The following VPS26B variants were observed in gnomAD, a reference collection of about 807,000 sequenced individuals.
VPS26B encodes VPS26 retromer complex component B, also known as vacuolar protein sorting-associated protein 26B.
Under a neutral mutation model 33.3 loss-of-function variants are expected in VPS26B, and 10 were observed. The observed-to-expected ratio is 0.30, with a 90% CI of 0.19 to 0.51. The LOEUF is 0.51. Among genes scored for constraint, VPS26B ranks in the 20% least tolerant of loss-of-function variants. VPS26B has a pLI of 0.98. For synonymous variants in VPS26B, 190 were observed against 176.9 expected (o/e 1.07, Z -0.59); for missense variants, 317 against 452.7 (o/e 0.70, Z 2.72).
intron 1 of VPS26B, among the ~76,000 whole-genome samples, chr11:134,227,195 T>A (rs1353084502): frequency 6.6e-6 from 1 of 152,212 alleles, no homozygotes; most frequent in Non-Finnish European, 1.5e-5. Flanking sequence ...GAGGGTAAAA[T>A]CATCTCTAGC....
rs1332128375 is a variant in VPS26B at position 134,240,786 on chromosome 11, T to TCC, written c.545+631_545+632insCC. Among the ~76,000 whole-genome samples, 1 of 116,136 alleles carries TCC rather than the reference T, an allele frequency of 8.6e-6. No homozygotes were observed. Among genetic ancestry groups the TCC allele is most frequent in the Non-Finnish European group, 1.8e-5 (1 of 55,766 alleles). The allele number at this position is 116,136 out of a possible 152,430, so 76.2% of individuals were successfully genotyped here. A position where few individuals can be genotyped will look rare whatever the true frequency, so the allele number is the denominator to read the frequency against. ...GCTAATTTGTGTCCGTGTGTGTGTGTGTGTGTCCGTGTGTGTGTGTGTGTG... is the reference window on the plus strand; with the variant it reads ...GCTAATTTGTGTCCGTGTGTGTGTGTCCGTGTGTCCGTGTGTGTGTGTGTGTG... On this transcript the variant is annotated intron_variant, in intron 3 of 5. Transcript: ENST00000281187. The surrounding 1 kb of genome is among the most constrained non-coding windows in gnomAD (Gnocchi z 4.4).
chr11:134,245,742 C>A lies in VPS26B; in HGVS notation c.*152C>A. Reference sequence around the variant, plus strand: ...ATGTTTTTGACTTAAATTCTTTTCTCTGGAGAACCCAAGGGGCTTGGGGTG... The same window carrying A: ...ATGTTTTTGACTTAAATTCTTTTCTATGGAGAACCCAAGGGGCTTGGGGTG... On this transcript the variant is annotated 3_prime_UTR_variant, in exon 6 of 6. Transcript: ENST00000281187. This position sits in a 1 kb window ranked among gnomAD's most constrained non-coding sequence, Gnocchi z 4.7. The A allele has an allele frequency of 8.9e-7, 1 of 1,119,834 alleles. No individual in the cohort carries two copies. The highest frequency in any genetic ancestry group is 1.2e-6 in the Non-Finnish European group (1 of 810,630). 69.4% of individuals were successfully genotyped at this position (1,119,834 alleles called of 1,614,324 possible). A position where few individuals can be genotyped will look rare whatever the true frequency, so the allele number is the denominator to read the frequency against.
At chr11:134,237,360 G>T (rs1423083475) in intron 2 of VPS26B, among the ~76,000 whole-genome samples, 3 of 152,204 alleles carry the variant, frequency 2.0e-5, no homozygotes. Flanking sequence ...AGTGAGTGCA[G>T]GCATGCAGCC....
At position 134,245,532 on chromosome 11, in the gene VPS26B, C is replaced by T. The variant is rs1187696711; in HGVS notation, c.953C>T (p.Thr318Ile). 2 of 1,613,752 alleles carry T rather than the reference C, an allele frequency of 1.2e-6. No homozygotes were observed. The highest frequency in any genetic ancestry group is 1.7e-5 in the Admixed American group (1 of 60,004). Reference sequence around the variant, plus strand: ...GCCTCACAGCGCTTTGAGGGCACCACCTCCCTGGGTGAGGTGCGGACCCCC... The same window carrying T: ...GCCTCACAGCGCTTTGAGGGCACCATCTCCCTGGGTGAGGTGCGGACCCCC... The part of the protein sequence containing the change: ...AIASQRFEGT[T>I]SLGEVRTPSQ... Residue 318 changes from threonine (T) to isoleucine (I), a missense_variant, in exon 6 of 6, where the codon ACC becomes ATC. Coordinates refer to ENST00000281187, the MANE Select transcript of VPS26B (RefSeq NM_052875.5). The surrounding 1 kb of genome is among the most constrained non-coding windows in gnomAD (Gnocchi z 4.7).
At chr11:134,237,729 A>G (rs1407885117) in intron 2 of VPS26B, among the ~76,000 whole-genome samples, 2 of 152,146 alleles carry the variant, frequency 1.3e-5, no homozygotes, top group African/African-American at 4.8e-5. Context: ...CGGGACGCAG[A>G]ATCAAGGGCT....
intron 1 of VPS26B, 108 bp downstream of exon 1, chr11:134,225,453 C>G (rs1189494271): frequency 8.8e-7 from 1 of 1,136,948 alleles, no homozygotes; most frequent in Non-Finnish European, 1.3e-6. Context: ...CGCTTGTCAA[C>G]TGCAGTCTGA....
At chr11:134,229,026 T>G (rs1464808944) in intron 1 of VPS26B, among the ~76,000 whole-genome samples, 1 of 152,128 alleles carries the variant, frequency 6.6e-6, no homozygotes, top group Non-Finnish European at 1.5e-5. Flanking sequence ...ATTTTCTTTG[T>G]TTTTTATTTA....
rs1465879001 is a variant in VPS26B, at chr11:134,225,326, C to A, written c.204C>A (p.Ile68=). 6 of 1,613,830 alleles carry A rather than the reference C, an allele frequency of 3.7e-6. No homozygotes were observed. The highest frequency in any genetic ancestry group is 3.3e-5 in the Admixed American group (2 of 60,004). The change falls in exon 1 of 6, where the codon ATC becomes ATA. Residue 68 remains isoleucine, a synonymous_variant. Transcript: ENST00000281187. ...GGCTGGAGCACCAGGGCATCAAGATCGAGTTCATCGGGCAGATCGGTGAGT... is the reference window on the plus strand; with the variant it reads ...GGCTGGAGCACCAGGGCATCAAGATAGAGTTCATCGGGCAGATCGGTGAGT... ...NKRLEHQGIK[I]EFIGQIELYY... is the part of the protein sequence containing the mutation.
At chr11:134,243,096 T>C (rs771056875) in intron 3 of VPS26B, 23 bp from the exon 4 acceptor site, 10 of 1,613,382 alleles carry the variant, frequency 6.2e-6, no homozygotes, top group Non-Finnish European at 8.5e-6. Flanking sequence ...AACATCTTAC[T>C]TTCTGTACTT....
chr11:134,231,568 CT>C (rs1410570963), intron 1 of VPS26B, among the ~76,000 whole-genome samples: 416 of 141,166 alleles, frequency 2.9e-3, no homozygotes, highest in East Asian at 3.3e-3. Context: ...CTTTGGAGGG[CT>C]TTTTTTTTTT....
In VPS26B at chr11:134,245,201, CACA is replaced by C. The variant is rs978132282; in HGVS notation, c.864+126_864+128del. The C allele has an allele frequency of 2.5e-5, 35 of 1,411,402 alleles. No homozygotes were observed. Among genetic ancestry groups the C allele is most frequent in the Middle Eastern group, 2.0e-4 (1 of 4,952 alleles). The allele number at this position is 1,411,402 out of a possible 1,614,324, so 87.4% of individuals were successfully genotyped here. A position where few individuals can be genotyped will look rare whatever the true frequency, so the allele number is the denominator to read the frequency against. On this transcript the variant is annotated intron_variant, in intron 5 of 5. Transcript: ENST00000281187. The surrounding 1 kb of genome is among the most constrained non-coding windows in gnomAD (Gnocchi z 4.7). Reference sequence around the variant, plus strand: ...GGGAACATTAGGTCGCCCACAATTGCACAACAAGAATGAGGATTCTCACCTGGC... The same window carrying C: ...GGGAACATTAGGTCGCCCACAATTGCACAAGAATGAGGATTCTCACCTGGC...
In VPS26B at chr11:134,245,577, A is replaced by G. The variant is rs1263608625; in HGVS notation, c.998A>G (p.Asn333Ser). ...ACCCCCAGCCAGCTGTCTGACAACA[A>G]CTGCAGGCAGTAGGCCCCCAGGGCC... ...VRTPSQLSDN[N>S]CRQ The change falls in exon 6 of 6, where the codon AAC (asparagine) becomes AGC (serine). Residue 333 changes from asparagine (N) to serine (S), a missense_variant. By Grantham distance (46) the Asn-to-Ser change is conservative (BLOSUM62 1). Coordinates refer to ENST00000281187, the MANE Select transcript of VPS26B (RefSeq NM_052875.5). This position sits in a 1 kb window ranked among gnomAD's most constrained non-coding sequence, Gnocchi z 4.7. The G allele has an allele frequency of 6.2e-7, 1 of 1,610,698 alleles. No homozygotes were observed. Among genetic ancestry groups the G allele is most frequent in the Non-Finnish European group, 8.5e-7 (1 of 1,179,502 alleles).
intron 1 of VPS26B, 184 bp downstream of exon 1, chr11:134,225,529 A>G (rs1279459967): frequency 3.1e-6 from 2 of 648,220 alleles, no homozygotes; most frequent in African/African-American, 1.8e-5. Flanking sequence ...CCTCCCTGCC[A>G]AAAGTGACAG....
chr11:134,233,648 C>T (rs534287224), intron 1 of VPS26B, among the ~76,000 whole-genome samples: 2 of 152,130 alleles, frequency 1.3e-5, no homozygotes. Flanking sequence ...TTGCTTGAAC[C>T]CAGGAGGCGG....
intron 1 of VPS26B, among the ~76,000 whole-genome samples, chr11:134,233,760 CAGGTTCTAGGAAGCACCAGGG>C: frequency 6.6e-6 from 1 of 152,248 alleles, no homozygotes; most frequent in Middle Eastern, 3.4e-3. Flanking sequence ...TGTGCAGGGC[CAGGTTCTAGGAAGCACCAGGG>C]AGCTGGGGAT....
intron 1 of VPS26B, among the ~76,000 whole-genome samples, chr11:134,227,769 C>A (rs1938500518): frequency 6.6e-6 from 1 of 152,160 alleles, no homozygotes; most frequent in South Asian, 2.1e-4. Context: ...GTTGGGCATG[C>A]CAGGGGATCA....
intron 1 of VPS26B, 148 bp downstream of exon 1, chr11:134,225,493 G>A: frequency 3.8e-6 from 3 of 779,582 alleles, no homozygotes; most frequent in Non-Finnish European, 6.4e-6. Context: ...AGTCCCGCCC[G>A]TGGGCGACTC....
chr11:134,243,085 C>T, intron 3 of VPS26B, 34 bp from the exon 4 acceptor site: 1 of 1,610,414 alleles, frequency 6.2e-7, no homozygotes. Context: ...GCCACAGTAC[C>T]AACATCTTAC....
chr11:134,236,665 T>TG (rs1938637118), intron 2 of VPS26B: 1 of 152,218 alleles, frequency 6.6e-6, no homozygotes, highest in African/African-American at 2.4e-5. Flanking sequence ...TGCTACAACA[T>TG]GGGTGAACCT....
Sources: gnomAD v4.1 joint callset for allele counts (sites outside exome capture counted in the v4.1 genomes callset) on GRCh38, gnomAD v4.1.1 for gene constraint, Gnocchi (gnomAD v3.1) non-coding constraint, MANE v1.5 for transcripts, NCBI Gene and HGNC (gene_info 2026-07-23, HGNC 2026-07-21) for gene names.